Variants in AGFG1 observed in about 807,000 individuals in gnomAD.
AGFG1 encodes the protein arf-GAP domain and FG repeat-containing protein 1.
In AGFG1, 10 loss-of-function variants were observed where a neutral mutation model predicts 60.6. The observed-to-expected ratio is 0.16, with a 90% CI of 0.10 to 0.28. AGFG1 has a LOEUF of 0.28. Ranked by LOEUF, AGFG1 falls within the 10% of genes least tolerant of loss-of-function variation. The pLI is 1.00. For synonymous variants in AGFG1, 247 were observed against 242.9 expected (o/e 1.02, Z -0.16); for missense variants, 537 against 676.5 (o/e 0.79, Z 2.29).
intron 10 of AGFG1, among the ~76,000 whole-genome samples, chr2:227,547,309 T>G (rs759918821): frequency 6.6e-6 from 1 of 152,164 alleles, no homozygotes; most frequent in African/African-American, 2.4e-5. Context: ...ATATTTTGTT[T>G]ATAGAATTGC....
rs947007626 is a variant in AGFG1 at position 227,559,847 on chromosome 2, A to C, written c.*5352A>C. The C allele has an allele frequency of 3.3e-5, 5 of 152,170 alleles. No individual in the cohort carries two copies. Among genetic ancestry groups the C allele is most frequent in the African/African-American group, 1.2e-4 (5 of 41,454 alleles). 9.4% of individuals were successfully genotyped at this position (152,170 alleles called of 1,614,324 possible). ...ATTGTAAACTAATCTTACATAGTCA[A>C]TGTTTCATAGAATGCTTTGGTTACA... On this transcript the variant is annotated 3_prime_UTR_variant, in exon 13 of 13. Transcript: ENST00000310078.
intron 5 of AGFG1, among the ~76,000 whole-genome samples, chr2:227,527,306 A>G (rs1692024595): frequency 6.6e-6 from 1 of 152,250 alleles, no homozygotes; most frequent in South Asian, 2.1e-4. Flanking sequence ...TCTAAAAGGT[A>G]CAATAAACAT....
At chr2:227,550,409 C>A (rs1329459068) in intron 10 of AGFG1, among the ~76,000 whole-genome samples, 2 of 152,034 alleles carry the variant, frequency 1.3e-5, no homozygotes, top group African/African-American at 4.8e-5. Context: ...TTGAGTGACG[C>A]CTTTTTGATA....
At chr2:227,511,672 A>G (rs1469010001) in intron 2 of AGFG1, among the ~76,000 whole-genome samples, 1 of 152,188 alleles carries the variant, frequency 6.6e-6, no homozygotes, top group East Asian at 1.9e-4. Context: ...TTGTGCATAC[A>G]TTTGAGGGCT....
intron 8 of AGFG1, 48 bp from the exon 9 acceptor site, chr2:227,536,577 C>CTTTT: frequency 7.6e-7 from 1 of 1,311,658 alleles, no homozygotes; most frequent in Admixed American, 1.9e-5. Flanking sequence ...TCGTTACTTT[C>CTTTT]TTTTTTTTTT....
Position 227,554,607 on chromosome 2 carries a change from C to CT in AGFG1, c.*115dup. ...TCTTAGCTTTAAACACAAGAGAAGTCTTTAAAAAGCCTGCATTGTGTATTA... is the reference window on the plus strand; with the variant it reads ...TCTTAGCTTTAAACACAAGAGAAGTCTTTTAAAAAGCCTGCATTGTGTATTA... On this transcript the variant is annotated 3_prime_UTR_variant, in exon 13 of 13. Coordinates refer to ENST00000310078, the MANE Select transcript of AGFG1 (RefSeq NM_004504.5). The CT allele has an allele frequency of 1.1e-6, 1 of 907,128 alleles. No homozygotes were observed. Among genetic ancestry groups the CT allele is most frequent in the East Asian group, 2.6e-5 (1 of 38,110 alleles). 56.2% of individuals were successfully genotyped at this position (907,128 alleles called of 1,614,324 possible).
intron 5 of AGFG1, among the ~76,000 whole-genome samples, chr2:227,528,709 T>C (rs1045872251): frequency 1.3e-5 from 2 of 152,222 alleles, no homozygotes; most frequent in African/African-American, 4.8e-5. Context: ...TCTTCACAGG[T>C]AATGTTGGAC....
chr2:227,493,558 AG>A (rs1210445594), intron 2 of AGFG1, among the ~76,000 whole-genome samples: 1 of 152,236 alleles, frequency 6.6e-6, no homozygotes, highest in Non-Finnish European at 1.5e-5. Context: ...GTTAATTTTT[AG>A]GAACTCACTG....
intron 6 of AGFG1, among the ~76,000 whole-genome samples, chr2:227,532,671 A>G (rs972049447): frequency 2.0e-5 from 3 of 152,114 alleles, no homozygotes; most frequent in Non-Finnish European, 4.4e-5. Flanking sequence ...TGTCTTTTCT[A>G]TCACTTTAAT....
At chr2:227,537,889 T>C (rs993278102) in intron 10 of AGFG1, among the ~76,000 whole-genome samples, 3 of 152,218 alleles carry the variant, frequency 2.0e-5, no homozygotes, top group African/African-American at 7.2e-5. Flanking sequence ...TTAGTAAATC[T>C]CTTTGTCATT....
intron 2 of AGFG1, among the ~76,000 whole-genome samples, chr2:227,512,028 T>C (rs1004284117): frequency 2.6e-5 from 4 of 152,182 alleles, no homozygotes; most frequent in East Asian, 3.8e-4. Context: ...GAAGCTGTTA[T>C]AAGGTAGTTT....
intron 2 of AGFG1, among the ~76,000 whole-genome samples, chr2:227,497,519 C>T (rs770884169): frequency 6.6e-6 from 1 of 151,960 alleles, no homozygotes; most frequent in African/African-American, 2.4e-5. Flanking sequence ...CTAACACCCC[C>T]ATATGTATTT....
In AGFG1 at chr2:227,517,550, G is replaced by C. The variant is rs143123856; in HGVS notation, c.262-2398G>C. On this transcript the variant is annotated intron_variant, in intron 2 of 12. Coordinates refer to ENST00000310078, the MANE Select transcript of AGFG1 (RefSeq NM_004504.5). The stretch of plus-strand genomic sequence containing the variant: ...CTCCCATAGTGCTGGGATTACAGGC[G>C]TGAGCCACCACGCCCGACCCACAAG... Among the ~76,000 whole-genome samples, 475 of 152,292 alleles carry C rather than the reference G, an allele frequency of 3.1e-3. 1 individual carries two copies. Among genetic ancestry groups the C allele is most frequent in the Middle Eastern group, 6.8e-3 (2 of 294 alleles).
rs999875065 is a variant in AGFG1 at position 227,553,684 on chromosome 2, G to A, written c.1538-20G>A. On this transcript the variant is annotated intron_variant, in intron 11 of 12. Transcript: ENST00000310078. ...TCTCTTGAAGGTATGGGTTATAATTGGTGGTTCTATTTTAACAAGGTGCAG... is the reference window on the plus strand; with the variant it reads ...TCTCTTGAAGGTATGGGTTATAATTAGTGGTTCTATTTTAACAAGGTGCAG... The A allele has an allele frequency of 6.3e-7, 1 of 1,597,576 alleles. No homozygotes were observed. Among genetic ancestry groups the A allele is most frequent in the African/African-American group, 1.3e-5 (1 of 74,470 alleles).
chr2:227,475,514 T>A (rs1488338980), intron 1 of AGFG1, among the ~76,000 whole-genome samples: 1 of 152,198 alleles, frequency 6.6e-6, no homozygotes, highest in African/African-American at 2.4e-5. Context: ...TTTTTTTCTT[T>A]GACAAGCAAT....
intron 3 of AGFG1, among the ~76,000 whole-genome samples, chr2:227,521,625 A>G (rs143985559): frequency 3.3e-5 from 5 of 152,326 alleles, no homozygotes; most frequent in African/African-American, 9.6e-5. Context: ...TGTTCTCCTT[A>G]CATAGCCCTA....
chr2:227,479,615 CCT>C lies in AGFG1; in HGVS notation c.167+7028_167+7029del, dbSNP rs1332591458. Among the ~76,000 whole-genome samples, 4 of 152,110 alleles carry C rather than the reference CCT, an allele frequency of 2.6e-5. No homozygotes were observed. In the South Asian group the frequency reaches 6.2e-4, roughly 24 times the overall value. On this transcript the variant is annotated intron_variant, in intron 1 of 12. Coordinates refer to ENST00000310078, the MANE Select transcript of AGFG1 (RefSeq NM_004504.5). ...ATGATGTTCACATTTGTGAGAAACTCCTATGGAAATATTCGGGACTAGGTTTT... is the reference window on the plus strand; with the variant it reads ...ATGATGTTCACATTTGTGAGAAACTCATGGAAATATTCGGGACTAGGTTTT...
intron 2 of AGFG1, among the ~76,000 whole-genome samples, chr2:227,496,273 G>A (rs768885782): frequency 7.2e-5 from 11 of 152,060 alleles, no homozygotes; most frequent in South Asian, 2.1e-4. Context: ...ATGCAATAAC[G>A]TACACTTTTC....
intron 2 of AGFG1, among the ~76,000 whole-genome samples, chr2:227,515,290 G>A (rs1436658911): frequency 2.6e-5 from 4 of 152,028 alleles, no homozygotes; most frequent in African/African-American, 4.8e-5. Flanking sequence ...CAGTATCCAC[G>A]TAGATATCTG....
Sources: gnomAD v4.1 joint callset for allele counts (sites outside exome capture counted in the v4.1 genomes callset) on GRCh38, gnomAD v4.1.1 for gene constraint, MANE v1.5 for transcripts, NCBI Gene and HGNC (gene_info 2026-07-23, HGNC 2026-07-21) for gene names.